CHRNA3: variants seen among roughly 807,000 people sequenced by gnomAD.
The protein encoded by CHRNA3 is cholinergic receptor nicotinic alpha 3 subunit.
In CHRNA3, 34 loss-of-function variants were observed where a neutral mutation model predicts 41.9. The observed-to-expected ratio is 0.81, with a 90% CI of 0.62 to 1.08. CHRNA3 has a LOEUF of 1.08. Ranked by LOEUF, CHRNA3 falls within the 50% of genes least tolerant of loss-of-function variation. The pLI, the probability that CHRNA3 is intolerant of heterozygous loss-of-function variation, is 0.00. For missense variants in CHRNA3, 542 were observed against 638.3 expected, an observed-to-expected ratio of 0.85 and a Z score of 1.63; for synonymous variants, 281 against 265.2, an observed-to-expected ratio of 1.06 and a Z score of -0.58.
chr15:78,618,241 C>T lies in CHRNA3; in HGVS notation c.267+376G>A, dbSNP rs1246561358. ...CGGCCTGGGTGACAGAGCGAGATCC[C>T]GTCTGGAAAAAAAACTGAGTTTTTA... On this transcript the variant is annotated intron_variant, in intron 3 of 5. Transcript: ENST00000326828. The T allele has an allele frequency of 1.7e-5, 4 of 231,800 alleles. No individual in the cohort carries two copies. In the Admixed American group the frequency reaches 1.8e-4, roughly 10 times the overall value. The allele number at this position is 231,800 out of a possible 1,614,324, so 14.4% of individuals were successfully genotyped here. A position where few individuals can be genotyped will look rare whatever the true frequency, so the allele number is the denominator to read the frequency against.
rs539921242 is a variant in CHRNA3 at position 78,601,421 on chromosome 15, G to T, written c.1221C>A (p.His407Gln). ...CQDGMCGYCH[H>Q]RRIKISNFSA... Reference sequence around the variant, plus strand: ...TGAAATTGGAGATTTTTATCCTGCGGTGGTGGCAGTAACCACACATCCCGT... The same window carrying T: ...TGAAATTGGAGATTTTTATCCTGCGTTGGTGGCAGTAACCACACATCCCGT... The change falls in exon 5 of 6, where the codon CAC (histidine) becomes CAA (glutamine). Residue 407 changes from histidine (H) to glutamine (Q), a missense_variant. His to Gln is a conservative substitution (Grantham distance 24, BLOSUM62 0). Coordinates refer to ENST00000326828, the MANE Select transcript of CHRNA3 (RefSeq NM_000743.5). 6.2e-7 allele frequency: 1 copy of T among 1,614,164 alleles called. No individual in the cohort carries two copies. The highest frequency in any genetic ancestry group is 1.1e-5 in the South Asian group (1 of 91,084).
At chr15:78,604,965 A>G (rs2141330025) in intron 4 of CHRNA3, among the ~76,000 whole-genome samples, 1 of 152,176 alleles carries the variant, frequency 6.6e-6, no homozygotes, top group South Asian at 2.1e-4. Flanking sequence ...GTGAGCTGAG[A>G]TGGCACCACT....
downstream of CHRNA3, chr15:78,594,215 G>A (rs1371883347): frequency 6.6e-6 from 1 of 152,174 alleles, no homozygotes; most frequent in Non-Finnish European, 1.5e-5. Flanking sequence ...TCATACAGTA[G>A]ACAACTCCTG....
At chr15:78,614,190 C>T (rs146753088) in intron 4 of CHRNA3, among the ~76,000 whole-genome samples, 1 of 152,192 alleles carries the variant, frequency 6.6e-6, no homozygotes, top group Non-Finnish European at 1.5e-5. Context: ...GCTGTTCACT[C>T]AAGATTGCCA....
chr15:78,603,979 G>A (rs993467948), intron 4 of CHRNA3, among the ~76,000 whole-genome samples: 1 of 152,096 alleles, frequency 6.6e-6, no homozygotes. Flanking sequence ...GGAGAGGGCT[G>A]GGCTAAGCAG....
intron 5 of CHRNA3, among the ~76,000 whole-genome samples, chr15:78,597,567 A>G (rs1272330254): frequency 6.6e-6 from 1 of 152,194 alleles, no homozygotes. Context: ...AGTCATTTTT[A>G]CTCATAAGAC....
intron 1 of CHRNA3, chr15:78,620,345 G>T: frequency 3.8e-6 from 1 of 262,562 alleles, no homozygotes; most frequent in Non-Finnish European, 7.2e-6. Context: ...CGGGAGGCTT[G>T]GGCGCGCCAG....
chr15:78,605,951 C>A (rs138882801), intron 4 of CHRNA3, among the ~76,000 whole-genome samples: 3 of 152,112 alleles, frequency 2.0e-5, no homozygotes, highest in Admixed American at 6.5e-5. Context: ...CCTATTCCCC[C>A]CAAGAACTTG....
intron 4 of CHRNA3, among the ~76,000 whole-genome samples, chr15:78,603,091 A>G (rs1165265625): frequency 1.3e-5 from 2 of 152,124 alleles, no homozygotes; most frequent in Admixed American, 1.3e-4. Context: ...GTAGCTCACT[A>G]CAATCTCTGT....
In CHRNA3 at chr15:78,596,030, C is replaced by G. The variant is rs80119127; in HGVS notation, c.*574G>C. On this transcript the variant is annotated 3_prime_UTR_variant, in exon 6 of 6. Transcript: ENST00000326828. ...TGGTGTACTAAGACAGTTATATTAACAATGAATAACTAGGCATGATTTCTC... is the reference window on the plus strand; with the variant it reads ...TGGTGTACTAAGACAGTTATATTAAGAATGAATAACTAGGCATGATTTCTC... 1.9e-4 allele frequency: 184 copies of G among 964,480 alleles called. No individual in the cohort carries two copies. Among genetic ancestry groups the G allele is most frequent in the South Asian group, 1.9e-4 (4 of 20,816 alleles). The allele number at this position is 964,480 out of a possible 1,614,324, so 59.7% of individuals were successfully genotyped here.
At position 78,596,439 on chromosome 15, in the gene CHRNA3, C is replaced by CTTT; in HGVS notation, c.*164_*165insAAA. 1 of 1,270,428 alleles carries CTTT rather than the reference C, an allele frequency of 7.9e-7. No individual in the cohort carries two copies. 78.7% of individuals were successfully genotyped at this position (1,270,428 alleles called of 1,614,324 possible). On this transcript the variant is annotated 3_prime_UTR_variant, in exon 6 of 6. Coordinates refer to ENST00000326828, the MANE Select transcript of CHRNA3 (RefSeq NM_000743.5). ...ATTTATCGGTAATAAATACTCTTGA[C>CTTT]ATTTTTTTTTTTGCATGATTCCAAG...
intron 1 of CHRNA3, chr15:78,619,316 A>G (rs1009675778): frequency 9.1e-5 from 20 of 218,790 alleles, no homozygotes; most frequent in African/African-American, 4.6e-4. Flanking sequence ...GGAAGTGCAC[A>G]GCTTGGTGCT....
At chr15:78,617,875 C>T (rs753980559) in intron 3 of CHRNA3, among the ~76,000 whole-genome samples, 3 of 152,142 alleles carry the variant, frequency 2.0e-5, no homozygotes, top group Non-Finnish European at 4.4e-5. Context: ...ATGTGGAAGG[C>T]AATTTCTTGG....
chr15:78,619,661 G>C (rs1878399), intron 1 of CHRNA3: 98,538 of 151,488 alleles, frequency 0.65, 32,595 homozygotes, highest in East Asian at 0.82. Context: ...ATATCCTGAT[G>C]AAAGACTCTG....
intron 5 of CHRNA3, among the ~76,000 whole-genome samples, chr15:78,600,406 C>T (rs1295006414): frequency 1.3e-5 from 2 of 152,288 alleles, no homozygotes. Flanking sequence ...GGGAGGGAGA[C>T]ACTGACTGGC....
In CHRNA3 at chr15:78,618,897, G is replaced by T; in HGVS notation, c.101C>A (p.Ala34Asp). 1 of 1,613,504 alleles carries T rather than the reference G, an allele frequency of 6.2e-7. No individual in the cohort carries two copies. Among genetic ancestry groups the T allele is most frequent in the Non-Finnish European group, 8.5e-7 (1 of 1,179,954 alleles). ...CAGCCGCTCAAATAGACGGTGCTCA[G>T]CCTCTGAGGCCCTGGCCACTGTGGG... The part of the protein sequence containing the change: ...SLLPVARASE[A>D]EHRLFERLFE... Residue 34 changes from alanine (A) to aspartate (D), a missense_variant, in exon 2 of 6, where the codon GCT becomes GAT. Transcript: ENST00000326828.
In CHRNA3 at chr15:78,601,425, T is replaced by C. The variant is rs1447294312; in HGVS notation, c.1217A>G (p.His406Arg). The C allele has an allele frequency of 6.2e-7, 1 of 1,614,144 alleles. No individual in the cohort carries two copies. Among genetic ancestry groups the C allele is most frequent in the Non-Finnish European group, 8.5e-7 (1 of 1,180,030 alleles). The part of the protein sequence containing the change: ...PCQDGMCGYC[H>R]HRRIKISNFS... ...ATTGGAGATTTTTATCCTGCGGTGG[T>C]GGCAGTAACCACACATCCCGTCCTG... Residue 406 changes from histidine (H) to arginine (R), a missense_variant, in exon 5 of 6, where the codon CAC becomes CGC. His to Arg is a conservative substitution (Grantham distance 29). Transcript: ENST00000326828.
At chr15:78,604,785 G>A (rs939704593) in intron 4 of CHRNA3, among the ~76,000 whole-genome samples, 1 of 152,320 alleles carries the variant, frequency 6.6e-6, no homozygotes, top group East Asian at 1.9e-4. Context: ...GGCTGAGGCG[G>A]GCAGATCACC....
At chr15:78,616,941 G>A (rs1286213605) in intron 4 of CHRNA3, 83 bp downstream of exon 4, 9 of 856,762 alleles carry the variant, frequency 1.1e-5, no homozygotes, top group Non-Finnish European at 1.5e-5. Context: ...GGCCAAGGAA[G>A]GCCAGGTTTT....
Sources: gnomAD v4.1 joint callset for allele counts (sites outside exome capture counted in the v4.1 genomes callset) on GRCh38, gnomAD v4.1.1 for gene constraint, MANE v1.5 for transcripts, NCBI Gene and HGNC (gene_info 2026-07-23, HGNC 2026-07-21) for gene names.